The following FSHB variants were observed in gnomAD, a reference collection of about 807,000 sequenced individuals.
FSHB encodes the protein follitropin subunit beta.
A neutral mutation model predicts 12.1 loss-of-function variants in FSHB; 8 were observed. That is an observed-to-expected ratio of 0.66 (90% CI 0.39 to 1.19). The LOEUF is 1.19. Among genes scored for constraint, FSHB ranks in the 50% most tolerant of loss-of-function variants. The probability of loss-of-function intolerance (pLI) is 0.01; values close to 1 mark genes in which losing one functional copy is unlikely to be tolerated. For synonymous variants in FSHB, 55 were observed against 54.6 expected, an observed-to-expected ratio of 1.01 and a Z score of -0.04; for missense variants, 153 against 157.2, an observed-to-expected ratio of 0.97 and a Z score of 0.14.
At chr11:30,232,204 G>T in intron 2 of FSHB, 143 bp downstream of exon 2, 1 of 823,840 alleles carries the variant, frequency 1.2e-6, no homozygotes. Context: ...TTGTGATTGG[G>T]GTTAATGACC....
At chr11:30,231,837 A>T (rs1036336595) in intron 1 of FSHB, 29 bp from the exon 2 acceptor site, 4 of 1,580,694 alleles carry the variant, frequency 2.5e-6, no homozygotes, top group Non-Finnish European at 3.5e-6. Context: ...GTCAGCTTAC[A>T]TAATGATTAT....
At chr11:30,232,210 TGACCACGATATCACTTA>T (rs1218199469) in intron 2 of FSHB, 149 bp downstream of exon 2, 2 of 792,856 alleles carry the variant, frequency 2.5e-6, no homozygotes, top group Non-Finnish European at 4.2e-6. Context: ...TTGGGGTTAA[TGACCACGATATCACTTA>T]GATGTTTGGG....
In FSHB at chr11:30,232,004, A is replaced by C. The variant is rs780826982; in HGVS notation, c.102A>C (p.Glu34Asp). The change falls in exon 2 of 3, where the codon GAA (glutamate) becomes GAC (aspartate). Residue 34 changes from glutamate to aspartate, a missense_variant. Transcript: ENST00000533718. ...TNITIAIEKE[E>D]CRFCISINTT... ...TCACCATTGCAATAGAGAAAGAAGAATGTCGTTTCTGCATAAGCATCAACA... is the reference window on the plus strand; with the variant it reads ...TCACCATTGCAATAGAGAAAGAAGACTGTCGTTTCTGCATAAGCATCAACA... 14 of 1,613,858 alleles carry C rather than the reference A, an allele frequency of 8.7e-6. No individual in the cohort carries two copies. The South Asian group carries it at 1.5e-4, about 18-fold the overall frequency.
At chr11:30,233,507 T>A in intron 2 of FSHB, 63 bp from the exon 3 acceptor site, 1 of 1,329,576 alleles carries the variant, frequency 7.5e-7, no homozygotes, top group Non-Finnish European at 1.1e-6. Flanking sequence ...CTGTCTCATT[T>A]TGACTAAGCT....
Position 30,233,699 on chromosome 11 carries a change from G to T in FSHB, c.289G>T (p.Ala97Ser), listed in dbSNP as rs1852039988. The T allele has an allele frequency of 6.2e-7, 1 of 1,613,878 alleles. No homozygotes were observed. Among genetic ancestry groups the T allele is most frequent in the African/African-American group, 1.3e-5 (1 of 74,914 alleles). The change falls in exon 3 of 3, where the codon GCC becomes TCC. Residue 97 changes from alanine to serine, a missense_variant. Coordinates refer to ENST00000533718, the MANE Select transcript of FSHB (RefSeq NM_001382289.1). ...HADSLYTYPVATQCHCGKCDS... is the reference protein window; with the variant it reads ...HADSLYTYPVSTQCHCGKCDS... Reference sequence around the variant, plus strand: ...AGATTCCTTGTATACATACCCAGTGGCCACCCAGTGTCACTGTGGCAAGTG... The same window carrying T: ...AGATTCCTTGTATACATACCCAGTGTCCACCCAGTGTCACTGTGGCAAGTG...
intron 1 of FSHB, among the ~76,000 whole-genome samples, chr11:30,231,472 C>A (rs935498365): frequency 3.9e-5 from 6 of 151,976 alleles, no homozygotes; most frequent in African/African-American, 1.4e-4. Context: ...CCAGCCTGGG[C>A]AACAGAGCAA....
chr11:30,233,889 C>A lies in FSHB; in HGVS notation c.*89C>A. 9.6e-7 allele frequency: 1 copy of A among 1,046,998 alleles called. No individual in the cohort carries two copies. The highest frequency in any genetic ancestry group is 1.4e-6 in the Non-Finnish European group (1 of 691,542). 64.9% of individuals were successfully genotyped at this position (1,046,998 alleles called of 1,614,324 possible). ...GTGTGTGTGCAATGTGCCCAGGGGA[C>A]AAACCACTGGATCAGGGGATTCAGA... On this transcript the variant is annotated 3_prime_UTR_variant, in exon 3 of 3. Transcript: ENST00000533718.
Position 30,234,199 on chromosome 11 carries a change from C to G in FSHB, c.*399C>G. ...GTCTTCTGGTAGACTCTTGGGCCCT[C>G]TAGAGCAAGGTCAGCATCTTCAGCA... On this transcript the variant is annotated 3_prime_UTR_variant, in exon 3 of 3. Transcript: ENST00000533718. 1 of 268,488 alleles carries G rather than the reference C, an allele frequency of 3.7e-6. No individual in the cohort carries two copies. The highest frequency in any genetic ancestry group is 4.3e-5 in the South Asian group (1 of 23,380). The allele number at this position is 268,488 out of a possible 1,614,324, so 16.6% of individuals were successfully genotyped here. A position where few individuals can be genotyped will look rare whatever the true frequency, so the allele number is the denominator to read the frequency against.
intron 2 of FSHB, among the ~76,000 whole-genome samples, chr11:30,232,379 T>C (rs1181468919): frequency 6.6e-6 from 1 of 152,228 alleles, no homozygotes; most frequent in East Asian, 1.9e-4. Context: ...GAAACATACA[T>C]ATATTTAATC....
rs764046593 is a variant in FSHB at position 30,231,941 on chromosome 11, G to A, written c.39G>A (p.Trp13Ter). The A allele has an allele frequency of 1.2e-6, 2 of 1,613,934 alleles. No homozygotes were observed. The highest frequency in any genetic ancestry group is 1.7e-6 in the Non-Finnish European group (2 of 1,179,894). ...AGTTTTTCTTCCTTTTCTGTTGCTG[G>A]AAAGCAATCTGCTGCAATAGCTGTG... ...TLQFFFLFCCWKAICCNSCEL... is the reference protein window; with the variant it reads ...TLQFFFLFCC Residue 13 changes from tryptophan to a stop codon, truncating the protein, a stop_gained, in exon 2 of 3, where the codon TGG becomes TGA. Transcript: ENST00000533718. LOFTEE classifies it high-confidence loss of function.
chr11:30,231,913 T>C lies in FSHB; in HGVS notation c.11T>C (p.Leu4Pro), dbSNP rs891279909. The C allele has an allele frequency of 1.2e-6, 2 of 1,613,900 alleles. No individual in the cohort carries two copies. Among genetic ancestry groups the C allele is most frequent in the Non-Finnish European group, 1.7e-6 (2 of 1,179,816 alleles). Residue 4 changes from leucine to proline, a missense_variant, in exon 2 of 3, where the codon CTC (leucine) becomes CCC (proline). Leu to Pro is a moderately conservative substitution (Grantham distance 98). Transcript: ENST00000533718. MKT[L>P]QFFFLFCCWK... ...GCTTCCCAGACCAGGATGAAGACACTCCAGTTTTTCTTCCTTTTCTGTTGC... is the reference window on the plus strand; with the variant it reads ...GCTTCCCAGACCAGGATGAAGACACCCCAGTTTTTCTTCCTTTTCTGTTGC...
intron 1 of FSHB, 74 bp from the exon 2 acceptor site, chr11:30,231,792 T>C: frequency 1.7e-6 from 2 of 1,157,596 alleles, no homozygotes; most frequent in Non-Finnish European, 2.6e-6. Context: ...AAAATGTGAT[T>C]GAGGAGGATG....
rs1852054051 is a variant in FSHB, at chr11:30,234,374, G to A, written c.*574G>A. ...CCGCAGCCACACCAGTCCCATGAAA[G>A]TTAGTGGCATCAGTTCCACCTCGCC... On this transcript the variant is annotated 3_prime_UTR_variant, in exon 3 of 3. Transcript: ENST00000533718. The A allele has an allele frequency of 6.2e-6, 1 of 162,552 alleles. No individual in the cohort carries two copies. Among genetic ancestry groups the A allele is most frequent in the African/African-American group, 2.4e-5 (1 of 41,542 alleles). The allele number at this position is 162,552 out of a possible 1,614,324, so 10.1% of individuals were successfully genotyped here. A position where few individuals can be genotyped will look rare whatever the true frequency, so the allele number is the denominator to read the frequency against.
At chr11:30,233,529 T>C (rs772280833) in intron 2 of FSHB, 41 bp from the exon 3 acceptor site, 21 of 1,515,124 alleles carry the variant, frequency 1.4e-5, no homozygotes, top group Non-Finnish European at 1.9e-5. Context: ...AATAGGAACT[T>C]CCACAATACC....
Position 30,231,405 on chromosome 11 carries a change from G to A in FSHB, c.-38+357G>A, listed in dbSNP as rs543388217. 4.7e-4 allele frequency among the ~76,000 whole-genome samples: 72 copies of A among 152,284 alleles called. 1 individual carries two copies. In the South Asian group the frequency reaches 0.014, roughly 30 times the overall value. ...GCACTTTGGGAGGCCAAGGTCAGAG[G>A]ATTGCTTGAGCCTGGAAGGTTGAAG... is the stretch of plus-strand genomic sequence containing the variant. On this transcript the variant is annotated intron_variant, in intron 1 of 2. Transcript: ENST00000533718.
intron 2 of FSHB, among the ~76,000 whole-genome samples, chr11:30,233,247 T>C (rs1852032606): frequency 6.6e-6 from 1 of 152,194 alleles, no homozygotes; most frequent in Non-Finnish European, 1.5e-5. Flanking sequence ...TTAATACAGC[T>C]TTCAATTAAA....
At chr11:30,232,628 T>C (rs1007855360) in intron 2 of FSHB, among the ~76,000 whole-genome samples, 8 of 152,282 alleles carry the variant, frequency 5.3e-5, no homozygotes, top group East Asian at 1.9e-4. Flanking sequence ...CGTTATAGCA[T>C]TGAGAAAACC....
chr11:30,232,342 G>GT (rs1334957629), intron 2 of FSHB, among the ~76,000 whole-genome samples: 1 of 152,114 alleles, frequency 6.6e-6, no homozygotes, highest in African/African-American at 2.4e-5. Flanking sequence ...TCTATGTTAC[G>GT]TTTTTACACA....
rs757108016 is a variant in FSHB at position 30,233,827 on chromosome 11, A to G, written c.*27A>G. On this transcript the variant is annotated 3_prime_UTR_variant, in exon 3 of 3. Transcript: ENST00000533718. Reference sequence around the variant, plus strand: ...GATCAGTGGACATTTCAGGCCACATACCCTTGTCCTGAAGGACCAAGATAT... The same window carrying G: ...GATCAGTGGACATTTCAGGCCACATGCCCTTGTCCTGAAGGACCAAGATAT... The G allele has an allele frequency of 1.9e-6, 3 of 1,578,838 alleles. No homozygotes were observed. Among genetic ancestry groups the G allele is most frequent in the Non-Finnish European group, 2.6e-6 (3 of 1,149,056 alleles).
Sources: gnomAD v4.1 joint callset for allele counts (sites outside exome capture counted in the v4.1 genomes callset) on GRCh38, gnomAD v4.1.1 for gene constraint, MANE v1.5 for transcripts, NCBI Gene and HGNC (gene_info 2026-07-23, HGNC 2026-07-21) for gene names.